The following PPP2R1B variants were observed in gnomAD, a reference collection of about 807,000 sequenced individuals.
PPP2R1B encodes serine/threonine-protein phosphatase 2A 65 kDa regulatory subunit A beta isoform.
In PPP2R1B, 58 loss-of-function variants were observed where a neutral mutation model predicts 72.7. The ratio of observed to expected loss-of-function variants is 0.80; its 90% CI spans 0.65 to 0.99. The LOEUF is 0.99. Among genes scored for constraint, PPP2R1B ranks in the 50% least tolerant of loss-of-function variants. The probability of loss-of-function intolerance (pLI) is 0.00; values close to 1 mark genes in which losing one functional copy is unlikely to be tolerated. For missense variants in PPP2R1B, 695 were observed against 733.6 expected (o/e 0.95, Z 0.61); for synonymous variants, 256 against 264.6 (o/e 0.97, Z 0.32).
chr11:111,739,587 G>C lies in PPP2R1B; in HGVS notation c.*2009C>G. 1.0e-6 allele frequency: 1 copy of C among 985,422 alleles called. No individual in the cohort carries two copies. The highest frequency in any genetic ancestry group is 1.2e-6 in the Non-Finnish European group (1 of 829,922). 61.0% of individuals were successfully genotyped at this position (985,422 alleles called of 1,614,324 possible). On this transcript the variant is annotated 3_prime_UTR_variant, in exon 15 of 15. Coordinates refer to ENST00000527614, the MANE Select transcript of PPP2R1B (RefSeq NM_002716.5). ...ACAGTTTTAGGGTAGAGAAGTCAAT[G>C]CTTAGGGCTCCTCACTGGGAGACAC...
intron 11 of PPP2R1B, among the ~76,000 whole-genome samples, chr11:111,747,511 T>C (rs948221549): frequency 3.3e-5 from 5 of 152,198 alleles, no homozygotes; most frequent in African/African-American, 9.7e-5. Flanking sequence ...TCCTCTACTG[T>C]CTCACTGTAG....
chr11:111,703,182 G>A, the PPP2R1B span: 1 of 1,610,216 alleles, frequency 6.2e-7, no homozygotes, highest in Non-Finnish European at 8.5e-7. Context: ...TGTGACTTTT[G>A]TAACATTGTG....
chr11:111,724,732 T>TAAC (rs1047391053), downstream of PPP2R1B: 15 of 153,788 alleles, frequency 9.8e-5, no homozygotes, highest in Admixed American at 2.6e-4. Flanking sequence ...GGCCACTAAA[T>TAAC]AACAGCTGGT....
the PPP2R1B span, among the ~76,000 whole-genome samples, chr11:111,697,334 C>A: frequency 3.3e-5 from 5 of 152,178 alleles, no homozygotes; most frequent in Non-Finnish European, 7.3e-5. Context: ...CTTTATCGAG[C>A]AGCTGTTGTC....
the PPP2R1B span, chr11:111,701,086 T>G: frequency 6.5e-7 from 1 of 1,536,758 alleles, no homozygotes; most frequent in Non-Finnish European, 8.8e-7. The surrounding 1 kb of genome is among the most constrained non-coding windows in gnomAD (Gnocchi z 4.2). Flanking sequence ...TCTTAGAAGC[T>G]CCTGGTACTT....
At chr11:111,689,681 G>A in the PPP2R1B span, among the ~76,000 whole-genome samples, 1 of 152,288 alleles carries the variant, frequency 6.6e-6, no homozygotes, top group Admixed American at 6.5e-5. Context: ...AACTTAGTAA[G>A]TTTAGGGACA....
rs782269105 is a variant in PPP2R1B at position 111,749,824 on chromosome 11, T to TG, written c.1339-1811dup. ...GTGTAAGTCAGCCAAAGACACCATCTGCCTTGCTTTCACACTGCTCTCTAT... is the reference window on the plus strand; with the variant it reads ...GTGTAAGTCAGCCAAAGACACCATCTGGCCTTGCTTTCACACTGCTCTCTAT... On this transcript the variant is annotated intron_variant, in intron 10 of 14. Coordinates refer to ENST00000527614, the MANE Select transcript of PPP2R1B (RefSeq NM_002716.5). Among the ~76,000 whole-genome samples, 3 of 152,318 alleles carry TG rather than the reference T, an allele frequency of 2.0e-5. No homozygotes were observed. The South Asian group carries it at 6.2e-4, about 32-fold the overall frequency.
At position 111,740,360 on chromosome 11, in the gene PPP2R1B, G is replaced by C. The variant is rs1022277231; in HGVS notation, c.*1236C>G. The C allele has an allele frequency of 5.8e-5, 50 of 854,702 alleles. No homozygotes were observed. The highest frequency in any genetic ancestry group is 6.6e-5 in the Non-Finnish European group (47 of 711,342). 52.9% of individuals were successfully genotyped at this position (854,702 alleles called of 1,614,324 possible). ...AGCCTCCTGAGTAGCTGGGACTACAGGTGTGTGCCACCACGCCCAGCTAAC... is the reference window on the plus strand; with the variant it reads ...AGCCTCCTGAGTAGCTGGGACTACACGTGTGTGCCACCACGCCCAGCTAAC... On this transcript the variant is annotated 3_prime_UTR_variant, in exon 15 of 15. Coordinates refer to ENST00000527614, the MANE Select transcript of PPP2R1B (RefSeq NM_002716.5).
At chr11:111,725,067 G>T (rs1204392617), downstream of PPP2R1B, 1 of 152,656 alleles carries the variant, frequency 6.6e-6, no homozygotes, top group African/African-American at 2.4e-5. Context: ...GTTGCTAGTA[G>T]TTTATTGAGC....
At chr11:111,724,250 C>T, downstream of PPP2R1B, 1 of 1,365,040 alleles carries the variant, frequency 7.3e-7, no homozygotes, top group Non-Finnish European at 9.7e-7. Flanking sequence ...GAAATCGAGC[C>T]ACCCAACTGG....
At chr11:111,742,902 C>T (rs1199665346) in intron 12 of PPP2R1B, among the ~76,000 whole-genome samples, 6 of 148,964 alleles carry the variant, frequency 4.0e-5, no homozygotes, top group Admixed American at 6.7e-5. Context: ...TTTTTTCAGG[C>T]GGAGTTTTGC....
rs1944398705 is a variant in PPP2R1B at position 111,738,253 on chromosome 11, G to A, written c.*3343C>T. Reference sequence around the variant, plus strand: ...TACAGTTTCATATCCAAGCAGTGGAGAAAAATAAGAAGCTTTACGATAAGA... The same window carrying A: ...TACAGTTTCATATCCAAGCAGTGGAAAAAAATAAGAAGCTTTACGATAAGA... On this transcript the variant is annotated 3_prime_UTR_variant, in exon 15 of 15. Transcript: ENST00000527614. The A allele has an allele frequency of 2.0e-6, 2 of 985,456 alleles. No individual in the cohort carries two copies. The highest frequency in any genetic ancestry group is 1.7e-5 in the African/African-American group (1 of 57,344). 61.0% of individuals were successfully genotyped at this position (985,456 alleles called of 1,614,324 possible).
At chr11:111,695,528 A>G in the PPP2R1B span, among the ~76,000 whole-genome samples, 1 of 152,218 alleles carries the variant, frequency 6.6e-6, no homozygotes, top group African/African-American at 2.4e-5. Flanking sequence ...GTAAACATTG[A>G]CAAACTGTTT....
chr11:111,692,205 G>T, the PPP2R1B span, among the ~76,000 whole-genome samples: 2 of 151,684 alleles, frequency 1.3e-5, no homozygotes, highest in Non-Finnish European at 2.9e-5. Flanking sequence ...CAGAAAATTA[G>T]CCAGGAATGG....
the PPP2R1B span, among the ~76,000 whole-genome samples, chr11:111,706,571 C>T: frequency 6.6e-6 from 1 of 152,168 alleles, no homozygotes; most frequent in Non-Finnish European, 1.5e-5. Flanking sequence ...TAAAATTTTG[C>T]ATTGGCATCT....
chr11:111,742,316 T>TAC, intron 13 of PPP2R1B, 172 bp from the exon 14 acceptor site: 1 of 614,560 alleles, frequency 1.6e-6, no homozygotes, highest in Non-Finnish European at 2.4e-6. Flanking sequence ...AAAATCAGCT[T>TAC]CAGACAAGGA....
the PPP2R1B span, among the ~76,000 whole-genome samples, chr11:111,711,542 A>T: frequency 6.6e-6 from 1 of 152,252 alleles, no homozygotes; most frequent in African/African-American, 2.4e-5. Context: ...CTTCAAAAAC[A>T]TAGCTTGCAG....
chr11:111,732,693 A>AAAACAAAT (rs1195890850), intron 15 of PPP2R1B, among the ~76,000 whole-genome samples: 1 of 152,158 alleles, frequency 6.6e-6, no homozygotes, highest in Non-Finnish European at 1.5e-5. Context: ...TTCATCTCAA[A>AAAACAAAT]AAACAAATAA....
chr11:111,735,764 G>A (rs749778411), downstream of PPP2R1B, among the ~76,000 whole-genome samples: 20 of 152,282 alleles, frequency 1.3e-4, no homozygotes, highest in South Asian at 3.7e-3. Context: ...CAACAGCAGC[G>A]CGCTCACGCT....
Sources: allele counts gnomAD v4.1 joint callset (sites outside exome capture counted in the v4.1 genomes callset), GRCh38; gene constraint gnomAD v4.1.1; non-coding constraint Gnocchi (gnomAD v3.1); transcripts MANE v1.5; gene names NCBI Gene and HGNC (gene_info 2026-07-23, HGNC 2026-07-21).